IL1RAP: variants seen among roughly 807,000 people sequenced by gnomAD.
The protein encoded by IL1RAP is interleukin-1 receptor accessory protein.
In IL1RAP, 35 loss-of-function variants were observed where a neutral mutation model predicts 60.7. That is an observed-to-expected ratio of 0.58 (90% CI 0.44 to 0.76). The LOEUF (loss-of-function observed/expected upper bound fraction) is 0.76, where lower values mean the gene tolerates loss of function less well. IL1RAP is among the 30% of genes least tolerant of loss of function. The pLI is 0.00. For synonymous variants in IL1RAP, 268 were observed against 250.9 expected, an observed-to-expected ratio of 1.07 and a Z score of -0.64; for missense variants, 572 against 693.9, an observed-to-expected ratio of 0.82 and a Z score of 1.97.
intron 8 of IL1RAP, among the ~76,000 whole-genome samples, chr3:190,627,741 C>G (rs979352202): frequency 8.5e-5 from 13 of 152,158 alleles, no homozygotes; most frequent in Non-Finnish European, 1.9e-4. Flanking sequence ...TTAAGCCCAG[C>G]AAGATTCACA....
chr3:190,617,279 C>T (rs1731360704), intron 5 of IL1RAP, among the ~76,000 whole-genome samples: 1 of 152,166 alleles, frequency 6.6e-6, no homozygotes, highest in Non-Finnish European at 1.5e-5. Context: ...GTTCTTTACA[C>T]ATTGTTGGTT....
At chr3:190,619,717 G>C (rs1731595765) in intron 5 of IL1RAP, among the ~76,000 whole-genome samples, 1 of 146,774 alleles carries the variant, frequency 6.8e-6, no homozygotes, top group Non-Finnish European at 1.5e-5. Flanking sequence ...AGACTGATGA[G>C]ACCCTATCTC....
At chr3:190,567,134 C>A (rs1017686484) in intron 3 of IL1RAP, among the ~76,000 whole-genome samples, 2 of 152,174 alleles carry the variant, frequency 1.3e-5, no homozygotes, top group African/African-American at 4.8e-5. Context: ...TGTTTTCACA[C>A]GCAGTGAACT....
At chr3:190,581,787 G>A (rs1728017818) in intron 3 of IL1RAP, among the ~76,000 whole-genome samples, 1 of 152,128 alleles carries the variant, frequency 6.6e-6, no homozygotes, top group African/African-American at 2.4e-5. Context: ...ATTGTTTGAG[G>A]TATTTCCATG....
At chr3:190,568,503 T>A (rs1049183635) in intron 3 of IL1RAP, among the ~76,000 whole-genome samples, 4 of 152,222 alleles carry the variant, frequency 2.6e-5, no homozygotes, top group East Asian at 1.9e-4. Context: ...ATGGAAATCA[T>A]CTATCCAATG....
chr3:190,617,840 T>C (rs897060120), intron 5 of IL1RAP, among the ~76,000 whole-genome samples: 2 of 152,166 alleles, frequency 1.3e-5, no homozygotes, highest in African/African-American at 4.8e-5. Flanking sequence ...TCATAGACAT[T>C]TGTAGTGTAA....
At chr3:190,582,227 T>C (rs1728056522) in intron 3 of IL1RAP, among the ~76,000 whole-genome samples, 1 of 152,180 alleles carries the variant, frequency 6.6e-6, no homozygotes, top group African/African-American at 2.4e-5. Context: ...CCATCTTTGC[T>C]CATTTTCCAT....
intron 1 of IL1RAP, among the ~76,000 whole-genome samples, chr3:190,527,612 A>G (rs984171275): frequency 2.2e-4 from 34 of 151,740 alleles, no homozygotes; most frequent in African/African-American, 8.0e-4. Flanking sequence ...GCTGGTACCA[A>G]TGAGCTGAGT....
chr3:190,600,194 C>CA (rs1729737272), intron 3 of IL1RAP, among the ~76,000 whole-genome samples: 1 of 152,104 alleles, frequency 6.6e-6, no homozygotes, highest in South Asian at 2.1e-4. Context: ...TGTGGCTGCA[C>CA]AATTTTCTAA....
At chr3:190,585,102 C>A (rs963571636) in intron 3 of IL1RAP, among the ~76,000 whole-genome samples, 1 of 152,130 alleles carries the variant, frequency 6.6e-6, no homozygotes, top group Non-Finnish European at 1.5e-5. Flanking sequence ...TACTTTGAGG[C>A]CCCGAAGAGA....
intron 9 of IL1RAP, among the ~76,000 whole-genome samples, chr3:190,631,888 C>A (rs538128280): frequency 2.0e-5 from 3 of 151,954 alleles, no homozygotes; most frequent in Admixed American, 6.5e-5. Flanking sequence ...GCAACCACTG[C>A]CTCCTGGGTT....
intron 3 of IL1RAP, among the ~76,000 whole-genome samples, chr3:190,601,470 A>C (rs998591807): frequency 6.6e-6 from 1 of 152,220 alleles, no homozygotes; most frequent in Admixed American, 6.5e-5. Flanking sequence ...AAAACATAGC[A>C]ACAAATAGTC....
At chr3:190,635,350 T>C (rs541882716) in intron 9 of IL1RAP, among the ~76,000 whole-genome samples, 1 of 152,230 alleles carries the variant, frequency 6.6e-6, no homozygotes, top group South Asian at 2.1e-4. Context: ...GTTTATATAT[T>C]TATTTACTTT....
intron 3 of IL1RAP, among the ~76,000 whole-genome samples, chr3:190,572,605 T>G (rs1727024576): frequency 1.3e-5 from 2 of 152,182 alleles, no homozygotes; most frequent in South Asian, 4.1e-4. Flanking sequence ...CCAAAGAAGC[T>G]AAACCATTTT....
At chr3:190,571,129 T>A (rs930080268) in intron 3 of IL1RAP, among the ~76,000 whole-genome samples, 1 of 152,286 alleles carries the variant, frequency 6.6e-6, no homozygotes, top group East Asian at 1.9e-4. Flanking sequence ...TGATTTTTTT[T>A]ATGTGTGATT....
chr3:190,554,055 C>T (rs1200044068), intron 1 of IL1RAP, among the ~76,000 whole-genome samples: 4 of 78,980 alleles, frequency 5.1e-5, no homozygotes, highest in South Asian at 5.7e-4. Flanking sequence ...AGCGAGACTC[C>T]GTCTCAAAAA....
intron 3 of IL1RAP, among the ~76,000 whole-genome samples, chr3:190,585,156 CAA>C (rs1485352006): frequency 6.6e-6 from 1 of 152,130 alleles, no homozygotes; most frequent in Non-Finnish European, 1.5e-5. Context: ...CAAACTGTAA[CAA>C]AGTGGCTTCC....
downstream of IL1RAP, among the ~76,000 whole-genome samples, chr3:190,655,558 C>CGTGTGTGT (rs34341875): frequency 0.029 from 3,813 of 131,068 alleles, 90 homozygotes; most frequent in African/African-American, 0.057. Flanking sequence ...AATTGCCCAC[C>CGTGTGTGT]GTGTGTGTGT....
chr3:190,546,689 T>C (rs1319764668), intron 1 of IL1RAP, among the ~76,000 whole-genome samples: 1 of 152,186 alleles, frequency 6.6e-6, no homozygotes, highest in East Asian at 1.9e-4. Flanking sequence ...GCCCAATATT[T>C]CATGGGTACC....
Sources: gnomAD v4.1 joint callset for allele counts (sites outside exome capture counted in the v4.1 genomes callset) on GRCh38, gnomAD v4.1.1 for gene constraint, MANE v1.5 for transcripts, NCBI Gene and HGNC (gene_info 2026-07-23, HGNC 2026-07-21) for gene names.